KCNH8: variants seen among roughly 807,000 people sequenced by gnomAD.
KCNH8 encodes the protein voltage-gated delayed rectifier potassium channel KCNH8.
Under a neutral mutation model 103.6 loss-of-function variants are expected in KCNH8, and 70 were observed. That is an observed-to-expected ratio of 0.68 (90% CI 0.56 to 0.82). The LOEUF is 0.82. KCNH8 is among the 40% of genes least tolerant of loss of function. The pLI is 0.00. For synonymous variants in KCNH8, 498 were observed against 489.4 expected (o/e 1.02, Z -0.23); for missense variants, 1,217 against 1,329.9 (o/e 0.92, Z 1.32).
chr3:19,159,227 A>C (rs1409011125), intron 1 of KCNH8, among the ~76,000 whole-genome samples: 1 of 151,890 alleles, frequency 6.6e-6, no homozygotes, highest in African/African-American at 2.4e-5. Context: ...TCCCTTCAAT[A>C]AAAGTTACTT....
At chr3:19,336,670 C>T (rs1457114599) in intron 3 of KCNH8, among the ~76,000 whole-genome samples, 2 of 151,850 alleles carry the variant, frequency 1.3e-5, no homozygotes, top group Non-Finnish European at 2.9e-5. Flanking sequence ...TTTGGATTTT[C>T]AGATTTCCTG....
At chr3:19,330,804 T>A (rs1041221993) in intron 3 of KCNH8, among the ~76,000 whole-genome samples, 2 of 152,210 alleles carry the variant, frequency 1.3e-5, no homozygotes, top group African/African-American at 2.4e-5. Flanking sequence ...TCTCATTTCC[T>A]CATAACTTAT....
intron 1 of KCNH8, among the ~76,000 whole-genome samples, chr3:19,153,788 C>T (rs1201984237): frequency 4.6e-5 from 7 of 151,982 alleles, no homozygotes; most frequent in African/African-American, 9.6e-5. Flanking sequence ...CCTGCCACTA[C>T]GCCTGGCTAA....
intron 3 of KCNH8, among the ~76,000 whole-genome samples, chr3:19,289,303 T>C (rs548052570): frequency 2.0e-4 from 31 of 152,210 alleles, no homozygotes; most frequent in Middle Eastern, 3.4e-3. Context: ...CCCTTGCCCA[T>C]GCCTATGTCC....
chr3:19,260,352 A>T (rs1435434711), intron 2 of KCNH8, among the ~76,000 whole-genome samples: 1 of 150,868 alleles, frequency 6.6e-6, no homozygotes, highest in Non-Finnish European at 1.5e-5. Context: ...TCAGATCCTG[A>T]TAAAAAGGAA....
chr3:19,268,748 C>G (rs1178776158), intron 2 of KCNH8, among the ~76,000 whole-genome samples: 1 of 152,072 alleles, frequency 6.6e-6, no homozygotes, highest in African/African-American at 2.4e-5. Flanking sequence ...CAAATCAAAT[C>G]TGGGGATGGG....
At chr3:19,196,904 T>G (rs185611535) in intron 1 of KCNH8, among the ~76,000 whole-genome samples, 2 of 152,186 alleles carry the variant, frequency 1.3e-5, no homozygotes, top group Non-Finnish European at 2.9e-5. Context: ...TAGTATCCAG[T>G]AATGTAAACA....
chr3:19,188,397 T>C (rs2063522203), intron 1 of KCNH8, among the ~76,000 whole-genome samples: 2 of 152,046 alleles, frequency 1.3e-5, no homozygotes, highest in African/African-American at 4.8e-5. Context: ...ACTCGGCAGT[T>C]GTAGCGTGAA....
Position 19,366,721 on chromosome 3 carries a change from A to G in KCNH8, c.811+18756A>G, listed in dbSNP as rs987254034. Among the ~76,000 whole-genome samples the G allele has an allele frequency of 5.3e-5, 8 of 152,152 alleles. No homozygotes were observed. The South Asian group carries it at 1.7e-3, about 32-fold the overall frequency. ...TCAAAATAGAAAAGGCATTATTCAC[A>G]TGGTTTGTATTTTCCATCTCAGTCC... On this transcript the variant is annotated intron_variant, in intron 5 of 15. Coordinates refer to ENST00000328405, the MANE Select transcript of KCNH8 (RefSeq NM_144633.3).
Position 19,434,778 on chromosome 3 carries a change from G to GCATA in KCNH8, c.1178-3384_1178-3381dup, listed in dbSNP as rs1326684774. 3.9e-5 allele frequency among the ~76,000 whole-genome samples: 6 copies of GCATA among 152,106 alleles called. No individual in the cohort carries two copies. In the East Asian group the frequency reaches 1.2e-3, roughly 29 times the overall value. On this transcript the variant is annotated intron_variant, in intron 7 of 15. Transcript: ENST00000328405. Reference sequence around the variant, plus strand: ...TAATATCCAGATTCTAAATATCAAGGCATACTATGTTTATATTGTAGATTG... The same window carrying GCATA: ...TAATATCCAGATTCTAAATATCAAGGCATACATACTATGTTTATATTGTAGATTG...
chr3:19,495,951 T>A (rs1268927433), intron 11 of KCNH8, among the ~76,000 whole-genome samples: 1 of 152,080 alleles, frequency 6.6e-6, no homozygotes, highest in South Asian at 2.1e-4. Context: ...ATTTTACCCT[T>A]TTTGTGGCAA....
chr3:19,460,759 AT>A (rs1422178703), intron 11 of KCNH8, among the ~76,000 whole-genome samples: 1 of 152,112 alleles, frequency 6.6e-6, no homozygotes, highest in Admixed American at 6.6e-5. Context: ...CCCACATATC[AT>A]GGGAAGGACC....
chr3:19,215,370 G>A (rs2063808612), intron 1 of KCNH8, among the ~76,000 whole-genome samples: 1 of 152,210 alleles, frequency 6.6e-6, no homozygotes, highest in Non-Finnish European at 1.5e-5. Flanking sequence ...GGCAATTGAA[G>A]TGTTGCTCAG....
chr3:19,347,101 A>G (rs561356877), intron 4 of KCNH8, among the ~76,000 whole-genome samples: 5 of 152,220 alleles, frequency 3.3e-5, no homozygotes, highest in African/African-American at 1.2e-4. Flanking sequence ...TGTCTGGCCC[A>G]TGTCAGAGTG....
At chr3:19,169,255 C>CTTTTT (rs768036667) in intron 1 of KCNH8, among the ~76,000 whole-genome samples, 173 of 124,906 alleles carry the variant, frequency 1.4e-3, no homozygotes, top group African/African-American at 1.6e-3. Context: ...TTCTTTCTTT[C>CTTTTT]TTTTTTTTTT....
intron 3 of KCNH8, among the ~76,000 whole-genome samples, chr3:19,286,076 T>G (rs2064828140): frequency 1.3e-5 from 2 of 152,138 alleles, no homozygotes; most frequent in Admixed American, 1.3e-4. Context: ...GTCATGAAGT[T>G]GAAGTTCAAC....
chr3:19,450,969 A>C (rs897798507), intron 9 of KCNH8, 186 bp from the exon 10 acceptor site: 4 of 616,668 alleles, frequency 6.5e-6, no homozygotes. Context: ...CTGATTATTC[A>C]GTAGCACATA....
rs144183405 is a variant in KCNH8 at position 19,452,428 on chromosome 3, C to T, written c.1825+1024C>T. 4.4e-3 allele frequency among the ~76,000 whole-genome samples: 673 copies of T among 152,176 alleles called. 5 individuals are homozygous for T. Among genetic ancestry groups the T allele is most frequent in the South Asian group, 0.02 (94 of 4,814 alleles). On this transcript the variant is annotated intron_variant, in intron 10 of 15. Transcript: ENST00000328405. ...AATTTTTGTTTGTTTATTCACCTAA[C>T]GTTTATTGAGGACTTATGAATGAAT...
At chr3:19,477,895 ATAAG>A (rs1432064147) in intron 11 of KCNH8, among the ~76,000 whole-genome samples, 1 of 152,048 alleles carries the variant, frequency 6.6e-6, no homozygotes, top group Non-Finnish European at 1.5e-5. Flanking sequence ...ATTGTACTCA[ATAAG>A]TAATTTTTCA....
Sources: gnomAD v4.1 joint callset for allele counts (sites outside exome capture counted in the v4.1 genomes callset) on GRCh38, gnomAD v4.1.1 for gene constraint, MANE v1.5 for transcripts, NCBI Gene and HGNC (gene_info 2026-07-23, HGNC 2026-07-21) for gene names.